SEMA3C: variants seen among roughly 807,000 people sequenced by gnomAD.
SEMA3C encodes the protein semaphorin 3C, also known as semaphorin-3C.
In SEMA3C, 47 loss-of-function variants were observed where a neutral mutation model predicts 89.4. The observed-to-expected ratio is 0.53, with a 90% CI of 0.42 to 0.67. SEMA3C has a LOEUF of 0.67. Ranked by LOEUF, SEMA3C falls within the 30% of genes least tolerant of loss-of-function variation. The pLI is 0.00. For synonymous variants in SEMA3C, 310 were observed against 320.2 expected, an observed-to-expected ratio of 0.97 and a Z score of 0.34; for missense variants, 839 against 929.1, an observed-to-expected ratio of 0.90 and a Z score of 1.26.
chr7:80,907,993 C>T (rs114278136), intron 2 of SEMA3C, among the ~76,000 whole-genome samples: 1,642 of 151,916 alleles, frequency 0.011, 26 homozygotes, highest in African/African-American at 0.037. Context: ...AATTATGTAA[C>T]GAAATTCAAT....
At chr7:80,897,560 CAT>C (rs1791769143) in intron 2 of SEMA3C, among the ~76,000 whole-genome samples, 1 of 151,872 alleles carries the variant, frequency 6.6e-6, no homozygotes, top group Admixed American at 6.6e-5. Context: ...TGATAGGAAA[CAT>C]AGAAAATAGT....
At chr7:80,851,039 T>C (rs1448630948) in intron 2 of SEMA3C, among the ~76,000 whole-genome samples, 1 of 152,090 alleles carries the variant, frequency 6.6e-6, no homozygotes, top group East Asian at 1.9e-4. Flanking sequence ...CTCCCTCCGA[T>C]CTCTCCCTCT....
At chr7:80,789,095 T>C (rs1788871998) in intron 12 of SEMA3C, among the ~76,000 whole-genome samples, 1 of 152,028 alleles carries the variant, frequency 6.6e-6, no homozygotes, top group African/African-American at 2.4e-5. Context: ...TCTCTATATA[T>C]ATTCCTCACA....
intron 2 of SEMA3C, among the ~76,000 whole-genome samples, chr7:80,836,529 T>G (rs988018887): frequency 6.6e-6 from 1 of 151,906 alleles, no homozygotes; most frequent in Admixed American, 6.6e-5. Context: ...AATACAAAAA[T>G]TAGCCGGGCA....
intron 2 of SEMA3C, among the ~76,000 whole-genome samples, chr7:80,831,417 G>A (rs1439006936): frequency 6.6e-6 from 1 of 152,154 alleles, no homozygotes; most frequent in Non-Finnish European, 1.5e-5. Flanking sequence ...ACTGATGCTG[G>A]TTACATGGGT....
chr7:80,827,514 C>T lies in SEMA3C; in HGVS notation c.265-27G>A, dbSNP rs59099502. The T allele has an allele frequency of 1.9e-3, 2,996 of 1,579,372 alleles. 48 individuals carry two copies. The African/African-American group carries it at 0.034, about 18-fold the overall frequency. ...TGCTCAGAAAGAAAAATAAAGGTTGCATAATCTCACCTGGACATATGACAG... is the reference window on the plus strand; with the variant it reads ...TGCTCAGAAAGAAAAATAAAGGTTGTATAATCTCACCTGGACATATGACAG... On this transcript the variant is annotated intron_variant, in intron 3 of 17. Coordinates refer to ENST00000265361, the MANE Select transcript of SEMA3C (RefSeq NM_006379.5).
At chr7:80,791,069 GA>G (rs1308560995) in intron 11 of SEMA3C, among the ~76,000 whole-genome samples, 1 of 152,028 alleles carries the variant, frequency 6.6e-6, no homozygotes, top group African/African-American at 2.4e-5. Flanking sequence ...GGCCAGGAGG[GA>G]AAAGTTTCAG....
chr7:80,874,784 C>T (rs1390653911), intron 2 of SEMA3C, among the ~76,000 whole-genome samples: 1 of 151,956 alleles, frequency 6.6e-6, no homozygotes, highest in Non-Finnish European at 1.5e-5. Context: ...AAGTTATTTA[C>T]TCTTCTCTCT....
At chr7:80,756,405 T>C (rs985030937) in intron 15 of SEMA3C, among the ~76,000 whole-genome samples, 5 of 152,054 alleles carry the variant, frequency 3.3e-5, no homozygotes, top group African/African-American at 9.7e-5. Flanking sequence ...AGTAGCCTCC[T>C]GTCATGCAGC....
chr7:80,793,263 T>A, intron 11 of SEMA3C: 1 of 201,646 alleles, frequency 5.0e-6, no homozygotes, highest in Non-Finnish European at 1.0e-5. Flanking sequence ...TAACAGCAAT[T>A]GTCCTTACCA....
intron 12 of SEMA3C, among the ~76,000 whole-genome samples, chr7:80,788,459 T>C (rs1213078741): frequency 6.6e-6 from 1 of 152,176 alleles, no homozygotes; most frequent in Non-Finnish European, 1.5e-5. Context: ...AAAACACAGA[T>C]GAGTGGGTTT....
At chr7:80,775,884 T>TA (rs1289633730) in intron 12 of SEMA3C, among the ~76,000 whole-genome samples, 11 of 152,108 alleles carry the variant, frequency 7.2e-5, no homozygotes, top group African/African-American at 1.4e-4. Context: ...TTCCTTTTTT[T>TA]AAAAAAAATT....
intron 2 of SEMA3C, chr7:80,906,004 A>G: frequency 2.9e-6 from 2 of 686,134 alleles, no homozygotes; most frequent in South Asian, 3.1e-5. Context: ...AAGCTGGGTG[A>G]GTAGAGAGCA....
chr7:80,887,881 CTGAT>C (rs1043092261), intron 2 of SEMA3C, among the ~76,000 whole-genome samples: 1 of 152,058 alleles, frequency 6.6e-6, no homozygotes, highest in African/African-American at 2.4e-5. Context: ...TTAGACATCT[CTGAT>C]TGTAATTTTG....
intron 11 of SEMA3C, among the ~76,000 whole-genome samples, chr7:80,795,649 C>G (rs1285739253): frequency 6.6e-6 from 1 of 152,164 alleles, no homozygotes; most frequent in Non-Finnish European, 1.5e-5. Context: ...GTTTAGTATT[C>G]CTACATTTTA....
chr7:80,911,917 GC>G (rs1046231782), intron 2 of SEMA3C, among the ~76,000 whole-genome samples: 2 of 152,070 alleles, frequency 1.3e-5, no homozygotes, highest in African/African-American at 4.8e-5. Flanking sequence ...ACAGGCGTGA[GC>G]CCCCGTGCTC....
At chr7:80,820,350 A>G (rs1789717423) in intron 4 of SEMA3C, among the ~76,000 whole-genome samples, 1 of 151,918 alleles carries the variant, frequency 6.6e-6, no homozygotes, top group Non-Finnish European at 1.5e-5. Context: ...GTGAGCCACC[A>G]TGCCTGGCCT....
At chr7:80,841,451 T>C (rs996098716) in intron 2 of SEMA3C, among the ~76,000 whole-genome samples, 3 of 152,192 alleles carry the variant, frequency 2.0e-5, no homozygotes, top group African/African-American at 7.2e-5. Flanking sequence ...AATCAGGCTA[T>C]GCAAACTTTC....
chr7:80,750,504 A>C (rs1787909590), intron 16 of SEMA3C, among the ~76,000 whole-genome samples: 1 of 139,010 alleles, frequency 7.2e-6, no homozygotes, highest in Admixed American at 7.2e-5. Context: ...ACACACACAT[A>C]CACACACACA....
Sources: gnomAD v4.1 joint callset for allele counts (sites outside exome capture counted in the v4.1 genomes callset) on GRCh38, gnomAD v4.1.1 for gene constraint, MANE v1.5 for transcripts, NCBI Gene and HGNC (gene_info 2026-07-23, HGNC 2026-07-21) for gene names.